Variants in ICA1L observed in about 807,000 individuals in gnomAD.
ICA1L encodes the protein islet cell autoantigen 1 like.
In ICA1L, 50 loss-of-function variants were observed where a neutral mutation model predicts 61.3. That is an observed-to-expected ratio of 0.82 (90% CI 0.65 to 1.03). ICA1L has a LOEUF of 1.03. ICA1L is among the 50% of genes least tolerant of loss of function. The probability of loss-of-function intolerance (pLI) is 0.00; values close to 1 mark genes in which losing one functional copy is unlikely to be tolerated. For missense variants in ICA1L, 508 were observed against 556.7 expected (o/e 0.91, Z 0.88); for synonymous variants, 161 against 191.3 (o/e 0.84, Z 1.31).
At chr2:202,798,879 T>C (rs1049253725) in intron 9 of ICA1L, among the ~76,000 whole-genome samples, 2 of 152,230 alleles carry the variant, frequency 1.3e-5, no homozygotes, top group Non-Finnish European at 2.9e-5. Context: ...ATGATATTTG[T>C]CTTTTTGTGC....
At chr2:202,784,022 G>C (rs1692498422) in intron 12 of ICA1L, among the ~76,000 whole-genome samples, 1 of 152,146 alleles carries the variant, frequency 6.6e-6, no homozygotes, top group East Asian at 1.9e-4. Context: ...CTATAAGTCT[G>C]AAATTATTTC....
intron 5 of ICA1L, among the ~76,000 whole-genome samples, chr2:202,817,756 T>C (rs1693579455): frequency 6.6e-6 from 1 of 152,212 alleles, no homozygotes; most frequent in Non-Finnish European, 1.5e-5. Flanking sequence ...TTCCAGAAGA[T>C]ATCTTTATGC....
intron 1 of ICA1L, among the ~76,000 whole-genome samples, chr2:202,862,750 T>C (rs534442576): frequency 1.2e-4 from 18 of 151,588 alleles, no homozygotes; most frequent in African/African-American, 4.4e-4. Flanking sequence ...GGCAGGAGAA[T>C]CTCTTGAACC....
Position 202,819,904 on chromosome 2 carries a change from T to C in ICA1L, c.360-5A>G. The C allele has an allele frequency of 1.9e-6, 3 of 1,611,700 alleles. No individual in the cohort carries two copies. The highest frequency in any genetic ancestry group is 2.5e-6 in the Non-Finnish European group (3 of 1,178,154). ...AGAGGAGTACACAGGGCCAATCTAA[T>C]GGCAGAGAGGTAAAAATCAGAGGGT... On this transcript the variant is annotated splice_region_variant and splice_polypyrimidine_tract_variant and intron_variant, in intron 4 of 12. Coordinates refer to ENST00000358299, the MANE Select transcript of ICA1L (RefSeq NM_001288622.3).
intron 10 of ICA1L, among the ~76,000 whole-genome samples, chr2:202,790,634 G>T (rs547291959): frequency 1.8e-4 from 27 of 152,274 alleles, no homozygotes; most frequent in Non-Finnish European, 2.8e-4. Context: ...TCCTAGGTGA[G>T]TGCAGTCAAT....
At chr2:202,853,641 A>T (rs992759370) in intron 1 of ICA1L, among the ~76,000 whole-genome samples, 2 of 152,088 alleles carry the variant, frequency 1.3e-5, no homozygotes, top group Admixed American at 6.6e-5. Context: ...GAATCTGCAA[A>T]GAACTCAAAC....
intron 9 of ICA1L, among the ~76,000 whole-genome samples, chr2:202,806,467 G>A (rs931963260): frequency 1.3e-4 from 19 of 151,876 alleles, no homozygotes; most frequent in East Asian, 3.9e-4. Flanking sequence ...GCAATATGGC[G>A]AAACCCAGTC....
chr2:202,861,401 CA>C (rs61240847), intron 1 of ICA1L, among the ~76,000 whole-genome samples: 119 of 21,694 alleles, frequency 5.5e-3, no homozygotes, highest in Admixed American at 7.3e-3. Flanking sequence ...GAGACTATCT[CA>C]AAAAAAAAAA....
At chr2:202,782,820 G>A (rs1692455988) in intron 12 of ICA1L, among the ~76,000 whole-genome samples, 1 of 151,714 alleles carries the variant, frequency 6.6e-6, no homozygotes, top group African/African-American at 2.4e-5. Flanking sequence ...TAGTGCCTTT[G>A]CTTTTTTGTG....
intron 1 of ICA1L, among the ~76,000 whole-genome samples, chr2:202,850,298 G>C (rs930816225): frequency 6.6e-6 from 1 of 152,156 alleles, no homozygotes; most frequent in Admixed American, 6.5e-5. Context: ...TTGATGAATT[G>C]ACAGAAGTAG....
intron 1 of ICA1L, chr2:202,841,614 T>C: frequency 1.5e-6 from 1 of 650,542 alleles, no homozygotes; most frequent in Non-Finnish European, 2.9e-6. Context: ...CCACCATAAC[T>C]TCCACCCAGG....
intron 1 of ICA1L, among the ~76,000 whole-genome samples, chr2:202,868,969 AAACAACAACAACAAC>A (rs371799768): frequency 6.6e-6 from 1 of 151,676 alleles, no homozygotes; most frequent in East Asian, 1.9e-4. Flanking sequence ...CTCTGTCTCA[AAACAACAACAACAAC>A]AACAACAACA....
intron 10 of ICA1L, among the ~76,000 whole-genome samples, chr2:202,793,494 T>TA (rs755015399): frequency 0.055 from 1,713 of 31,354 alleles, 138 homozygotes; most frequent in Non-Finnish European, 0.063. Flanking sequence ...CCGTCTCTAC[T>TA]AAAAAAAAAA....
At chr2:202,821,259 A>T in intron 4 of ICA1L, 99 bp downstream of exon 4, 1 of 1,154,342 alleles carries the variant, frequency 8.7e-7, no homozygotes, top group Non-Finnish European at 1.2e-6. Flanking sequence ...ACCCTTTATT[A>T]GAATGAACAG....
At chr2:202,812,580 CAA>C (rs200962087) in intron 8 of ICA1L, among the ~76,000 whole-genome samples, 1 of 138,312 alleles carries the variant, frequency 7.2e-6, no homozygotes, top group Non-Finnish European at 1.6e-5. Context: ...CCGTCTCAAA[CAA>C]AAAAAAAAAG....
At chr2:202,855,903 G>A (rs762343078) in intron 1 of ICA1L, among the ~76,000 whole-genome samples, 2 of 151,874 alleles carry the variant, frequency 1.3e-5, no homozygotes, top group African/African-American at 2.4e-5. Context: ...GTGAAACCCC[G>A]TCTCTACTAA....
intron 1 of ICA1L, among the ~76,000 whole-genome samples, chr2:202,839,780 T>C (rs1213520293): frequency 3.3e-5 from 5 of 152,124 alleles, no homozygotes; most frequent in Admixed American, 3.3e-4. Flanking sequence ...TTTCCTTTCA[T>C]GCCTTCTTCC....
intron 1 of ICA1L, chr2:202,840,369 TC>T: frequency 2.0e-6 from 1 of 488,900 alleles, no homozygotes; most frequent in Non-Finnish European, 4.0e-6. Flanking sequence ...GACACCAGCT[TC>T]CCATCGTGGA....
intron 1 of ICA1L, chr2:202,860,359 A>G (rs1382508037): frequency 1.3e-5 from 2 of 151,790 alleles, no homozygotes. Context: ...CAAACACATT[A>G]AAAATGACAT....
Sources: allele counts gnomAD v4.1 joint callset (sites outside exome capture counted in the v4.1 genomes callset), GRCh38; gene constraint gnomAD v4.1.1; transcripts MANE v1.5; gene names NCBI Gene and HGNC (gene_info 2026-07-23, HGNC 2026-07-21).